Variants in SKAP1 observed in about 807,000 individuals in gnomAD.
The protein encoded by SKAP1 is src kinase-associated phosphoprotein 1.
Under a neutral mutation model 58.5 loss-of-function variants are expected in SKAP1, and 44 were observed. The observed-to-expected ratio is 0.75, with a 90% CI of 0.59 to 0.97. SKAP1 has a LOEUF of 0.97. Ranked by LOEUF, SKAP1 falls within the 50% of genes least tolerant of loss-of-function variation. The pLI, the probability that SKAP1 is intolerant of heterozygous loss-of-function variation, is 0.00. For missense variants in SKAP1, 390 were observed against 435.2 expected (o/e 0.90, Z 0.92); for synonymous variants, 127 against 149.7 (o/e 0.85, Z 1.11).
At chr17:48,398,283 A>G (rs2067447088) in intron 1 of SKAP1, among the ~76,000 whole-genome samples, 1 of 151,980 alleles carries the variant, frequency 6.6e-6, no homozygotes, top group Admixed American at 6.6e-5. Context: ...CACAAACCCT[A>G]TTGTGAACTG....
chr17:48,345,908 C>T lies in SKAP1; in HGVS notation c.277G>A (p.Glu93Lys), dbSNP rs141667170. The change falls in exon 4 of 13, where the codon GAG becomes AAG. Residue 93 changes from glutamate (E) to lysine (K), a missense_variant. Glu to Lys is a moderately conservative substitution (Grantham distance 56). Coordinates refer to ENST00000336915, the MANE Select transcript of SKAP1 (RefSeq NM_003726.4). ...AATCCAGAAGGATAACACTCACCCT[C>T]ATCCTGATAATCTGACAAAAAGGGT... Reference protein sequence around the residue: ...DAPFLSDYQDEGMEDIVKGAQ... With the variant: ...DAPFLSDYQDKGMEDIVKGAQ... 2 of 1,606,504 alleles carry T rather than the reference C, an allele frequency of 1.2e-6. No individual in the cohort carries two copies. Among genetic ancestry groups the T allele is most frequent in the Non-Finnish European group, 1.7e-6 (2 of 1,173,400 alleles).
At chr17:48,243,658 C>T (rs560724568) in intron 4 of SKAP1, among the ~76,000 whole-genome samples, 1 of 152,082 alleles carries the variant, frequency 6.6e-6, no homozygotes, top group African/African-American at 2.4e-5. Context: ...CTGGAGGAAG[C>T]GCAAATAAAA....
intron 4 of SKAP1, among the ~76,000 whole-genome samples, chr17:48,203,230 T>A (rs1186227519): frequency 6.6e-6 from 1 of 152,258 alleles, no homozygotes; most frequent in East Asian, 1.9e-4. Context: ...CTGGACTTCA[T>A]TAAGCTCAAC....
At chr17:48,337,070 C>T (rs1303909720) in intron 4 of SKAP1, among the ~76,000 whole-genome samples, 1 of 152,038 alleles carries the variant, frequency 6.6e-6, no homozygotes, top group African/African-American at 2.4e-5. Flanking sequence ...GAAAACTTCC[C>T]ATAAAGGAAC....
chr17:48,253,615 C>T (rs938687397), intron 4 of SKAP1, among the ~76,000 whole-genome samples: 4 of 152,122 alleles, frequency 2.6e-5, no homozygotes, highest in East Asian at 1.9e-4. Context: ...GGCATAGGTG[C>T]CGGACTCATC....
chr17:48,320,562 C>G (rs1341547481), intron 4 of SKAP1, among the ~76,000 whole-genome samples: 3 of 152,122 alleles, frequency 2.0e-5, no homozygotes, highest in Non-Finnish European at 4.4e-5. Context: ...AAAAATCTTA[C>G]TAAGGCAAAG....
At chr17:48,138,749 C>T (rs969568889) in intron 11 of SKAP1, among the ~76,000 whole-genome samples, 17 of 152,096 alleles carry the variant, frequency 1.1e-4, no homozygotes, top group Admixed American at 1.3e-4. Context: ...CTCCTGACCT[C>T]AAGTGATCCA....
chr17:48,323,886 T>G (rs997842942), intron 4 of SKAP1, among the ~76,000 whole-genome samples: 1 of 152,076 alleles, frequency 6.6e-6, no homozygotes, highest in South Asian at 2.1e-4. Flanking sequence ...CCAGGTCTGG[T>G]TGGCATATTC....
At chr17:48,303,159 A>G (rs2066085093) in intron 4 of SKAP1, among the ~76,000 whole-genome samples, 2 of 152,226 alleles carry the variant, frequency 1.3e-5, no homozygotes, top group Non-Finnish European at 2.9e-5. Context: ...AAAGGTAGCA[A>G]ACTTGGCCAA....
chr17:48,231,118 C>CA (rs1480941626), intron 4 of SKAP1, among the ~76,000 whole-genome samples: 4 of 152,122 alleles, frequency 2.6e-5, no homozygotes, highest in Non-Finnish European at 4.4e-5. Flanking sequence ...TTAGTGTACA[C>CA]AGTGGTTTAC....
chr17:48,313,407 T>C (rs1200390541), intron 4 of SKAP1, among the ~76,000 whole-genome samples: 1 of 152,216 alleles, frequency 6.6e-6, no homozygotes, highest in Non-Finnish European at 1.5e-5. Flanking sequence ...ATCCAATTTT[T>C]ATTCTAATTA....
At chr17:48,317,009 C>A (rs900041748) in intron 4 of SKAP1, among the ~76,000 whole-genome samples, 2 of 152,188 alleles carry the variant, frequency 1.3e-5, no homozygotes, top group East Asian at 3.8e-4. Context: ...AGGTATCCAG[C>A]CCCTGGATCA....
At chr17:48,305,077 G>A (rs1283110235) in intron 4 of SKAP1, among the ~76,000 whole-genome samples, 1 of 152,150 alleles carries the variant, frequency 6.6e-6, no homozygotes, top group Admixed American at 6.5e-5. Context: ...AGCTTAAAAT[G>A]ATTTTTATAT....
intron 6 of SKAP1, among the ~76,000 whole-genome samples, chr17:48,185,584 G>A (rs2064438917): frequency 6.6e-6 from 1 of 152,140 alleles, no homozygotes. Context: ...TGTGGGTCAG[G>A]CAGAACACAC....
chr17:48,276,555 C>T (rs1218299404), intron 4 of SKAP1, among the ~76,000 whole-genome samples: 1 of 152,148 alleles, frequency 6.6e-6, no homozygotes, highest in African/African-American at 2.4e-5. Flanking sequence ...GGTGATGCTG[C>T]TATAATGATG....
chr17:48,385,514 G>T (rs1002553817), intron 2 of SKAP1, among the ~76,000 whole-genome samples: 2 of 152,100 alleles, frequency 1.3e-5, no homozygotes, highest in African/African-American at 4.8e-5. Context: ...TAACAACTAT[G>T]AGCCAATGCT....
At chr17:48,201,467 C>T (rs1372354831) in intron 4 of SKAP1, among the ~76,000 whole-genome samples, 1 of 151,982 alleles carries the variant, frequency 6.6e-6, no homozygotes, top group African/African-American at 2.4e-5. Flanking sequence ...CTGCAGCCTC[C>T]ATCTCCTGGG....
chr17:48,434,583 A>G (rs981433300), upstream of SKAP1, among the ~76,000 whole-genome samples: 9 of 152,180 alleles, frequency 5.9e-5, no homozygotes, highest in African/African-American at 2.2e-4. Flanking sequence ...ACATCAGGAA[A>G]CAATTCCATA....
At chr17:48,357,664 A>G (rs1026470949) in intron 3 of SKAP1, among the ~76,000 whole-genome samples, 1 of 152,144 alleles carries the variant, frequency 6.6e-6, no homozygotes, top group Non-Finnish European at 1.5e-5. Context: ...TTTGATAGTC[A>G]TTGCAAAACA....
Sources: gnomAD v4.1 joint callset for allele counts (sites outside exome capture counted in the v4.1 genomes callset) on GRCh38, gnomAD v4.1.1 for gene constraint, MANE v1.5 for transcripts, NCBI Gene and HGNC (gene_info 2026-07-23, HGNC 2026-07-21) for gene names.